The following NLRP2 variants were observed in gnomAD, a reference collection of about 807,000 sequenced individuals.
The protein encoded by NLRP2 is NACHT, LRR and PYD domains-containing protein 2.
In NLRP2, 107 loss-of-function variants were observed where a neutral mutation model predicts 97.2. The ratio of observed to expected loss-of-function variants is 1.10; its 90% CI spans 0.94 to 1.29. The LOEUF (loss-of-function observed/expected upper bound fraction) is 1.29, where lower values mean the gene tolerates loss of function less well. NLRP2 is among the 50% of genes most tolerant of loss of function. The pLI is 0.00. For missense variants in NLRP2, 1,495 were observed against 1,330.3 expected (o/e 1.12, Z -1.93); for synonymous variants, 663 against 551.5 (o/e 1.20, Z -2.83).
At chr19:54,991,731 T>C (rs923078461) in intron 10 of NLRP2, among the ~76,000 whole-genome samples, 4 of 150,550 alleles carry the variant, frequency 2.7e-5, no homozygotes, top group Admixed American at 6.6e-5. Flanking sequence ...TAGCTAGGCG[T>C]GGTGGTATGG....
In NLRP2 at chr19:54,983,501, C is replaced by G. The variant is rs776209090; in HGVS notation, c.1803C>G (p.Asp601Glu). Residue 601 changes from aspartate to glutamate, a missense_variant, in exon 6 of 13, where the codon GAC (aspartate) becomes GAG (glutamate). Asp to Glu is a conservative substitution (Grantham distance 45, BLOSUM62 2). Coordinates refer to ENST00000448584, the MANE Select transcript of NLRP2 (RefSeq NM_017852.5). ...SCKGGHSTVT[D>E]LQELLGCLYE... ...AGGGTGGACATTCAACGGTGACAGA[C>G]CTGCAGGAGCTCCTCGGCTGTCTGT... The G allele has an allele frequency of 6.2e-6, 10 of 1,614,164 alleles. No individual in the cohort carries two copies. The highest frequency in any genetic ancestry group is 1.7e-5 in the Admixed American group (1 of 59,998).
intron 4 of NLRP2, among the ~76,000 whole-genome samples, chr19:54,980,435 C>G (rs2071499570): frequency 6.6e-6 from 1 of 152,058 alleles, no homozygotes; most frequent in African/African-American, 2.4e-5. Context: ...ACCTTATGAT[C>G]CACCCGCCTT....
At position 54,974,561 on chromosome 19, in the gene NLRP2, A is replaced by G; in HGVS notation, c.325+17A>G. On this transcript the variant is annotated intron_variant, in intron 3 of 12. Coordinates refer to ENST00000448584, the MANE Select transcript of NLRP2 (RefSeq NM_017852.5). The stretch of plus-strand genomic sequence containing the variant: ...TATCATTAGGTAAGTTACCTCATTT[A>G]TAACTTTTATTCTTCATGTGAGATC... 6.6e-7 allele frequency: 1 copy of G among 1,518,246 alleles called. No homozygotes were observed. The highest frequency in any genetic ancestry group is 1.1e-5 in the South Asian group (1 of 89,062). 94.0% of individuals were successfully genotyped at this position (1,518,246 alleles called of 1,614,324 possible). A position where few individuals can be genotyped will look rare whatever the true frequency, so the allele number is the denominator to read the frequency against.
At chr19:54,984,963 A>T in intron 6 of NLRP2, 84 bp from the exon 7 acceptor site, 1 of 1,290,624 alleles carries the variant, frequency 7.7e-7, no homozygotes, top group Non-Finnish European at 1.1e-6. Flanking sequence ...CTCATTTGTC[A>T]GGGGTATATG....
At chr19:54,995,337 C>T (rs974744301) in intron 11 of NLRP2, among the ~76,000 whole-genome samples, 3 of 151,116 alleles carry the variant, frequency 2.0e-5, no homozygotes, top group African/African-American at 7.3e-5. Context: ...AATAAACAGG[C>T]ATGTGCCACC....
At position 54,970,248 on chromosome 19, in the gene NLRP2, A is replaced by G. The variant is rs1297089845; in HGVS notation, c.233A>G (p.Lys78Arg). The G allele has an allele frequency of 1.9e-6, 3 of 1,614,080 alleles. No homozygotes were observed. Among genetic ancestry groups the G allele is most frequent in the Non-Finnish European group, 2.5e-6 (3 of 1,180,046 alleles). The stretch of plus-strand genomic sequence containing the variant: ...ATGGCGAGCCTCCAGGTCTTTGAAA[A>G]GATGCACCGAATGGATCTGTCTGAG... ...VEMASLQVFE[K>R]MHRMDLSERA... Residue 78 changes from lysine to arginine, a missense_variant, in exon 2 of 13, where the codon AAG (lysine) becomes AGG (arginine). Lys to Arg is a conservative substitution (Grantham distance 26, BLOSUM62 2). Transcript: ENST00000448584.
chr19:54,966,617 C>T (rs1307778120), intron 1 of NLRP2, 150 bp downstream of exon 1: 1 of 152,194 alleles, frequency 6.6e-6, no homozygotes, highest in Non-Finnish European at 1.5e-5. Context: ...GCGATCTCGG[C>T]TCACTGCAAG....
chr19:55,001,032 A>C lies in NLRP2; in HGVS notation c.*134A>C, dbSNP rs751635181. 7 of 772,280 alleles carry C rather than the reference A, an allele frequency of 9.1e-6. No individual in the cohort carries two copies. The highest frequency in any genetic ancestry group is 1.6e-5 in the Non-Finnish European group (7 of 451,286). 47.8% of individuals were successfully genotyped at this position (772,280 alleles called of 1,614,324 possible). ...CATTGCTGGGCTAGATGTTTTAGCC[A>C]TGATTCTGCCTCTGTTTTATACCTG... is the stretch of plus-strand genomic sequence containing the variant. On this transcript the variant is annotated 3_prime_UTR_variant, in exon 13 of 13. Coordinates refer to ENST00000448584, the MANE Select transcript of NLRP2 (RefSeq NM_017852.5).
At chr19:54,997,002 G>C (rs2072864254) in intron 11 of NLRP2, among the ~76,000 whole-genome samples, 2 of 152,070 alleles carry the variant, frequency 1.3e-5, no homozygotes, top group South Asian at 4.1e-4. Flanking sequence ...CCGCCTCCTG[G>C]GTTCAAGCGA....
chr19:54,982,347 C>T lies in NLRP2; in HGVS notation c.649C>T (p.Leu217Phe), dbSNP rs1224889392. Reference sequence around the variant, plus strand: ...GGTGGTGCTGTATGGTCCTGCAGGCCTTGGGAAAACCACGCTGGCCCAGAA... The same window carrying T: ...GGTGGTGCTGTATGGTCCTGCAGGCTTTGGGAAAACCACGCTGGCCCAGAA... ...YTVVLYGPAG[L>F]GKTTLAQKLM... The change falls in exon 6 of 13, where the codon CTT (leucine) becomes TTT (phenylalanine). Residue 217 changes from leucine (L) to phenylalanine (F), a missense_variant. Leu to Phe is a conservative substitution (Grantham distance 22, BLOSUM62 0). Transcript: ENST00000448584. The T allele has an allele frequency of 3.1e-6, 5 of 1,613,960 alleles. No individual in the cohort carries two copies. Among genetic ancestry groups the T allele is most frequent in the Non-Finnish European group, 4.2e-6 (5 of 1,180,030 alleles).
chr19:54,995,148 T>TA (rs35266089), intron 11 of NLRP2, among the ~76,000 whole-genome samples: 114,577 of 136,624 alleles, frequency 0.84, 48,639 homozygotes, highest in African/African-American at 0.96. Context: ...CCATCTCTAC[T>TA]AAAATATAAA....
In NLRP2 at chr19:54,982,279, C is replaced by T. The variant is rs1240492801; in HGVS notation, c.581C>T (p.Pro194Leu). Residue 194 changes from proline (P) to leucine (L), a missense_variant, in exon 6 of 13, where the codon CCA (proline) becomes CTA (leucine). By Grantham distance (98) the Pro-to-Leu change is moderately conservative. Coordinates refer to ENST00000448584, the MANE Select transcript of NLRP2 (RefSeq NM_017852.5). ...GCTGAGAGATACAAGATGCTGATCC[C>T]ATTCAGCAACCCCAGGGTGCTTCCC... ...VMAERYKMLI[P>L]FSNPRVLPGP... is the part of the protein sequence containing the mutation. 1.9e-6 allele frequency: 3 copies of T among 1,614,064 alleles called. No homozygotes were observed. Among genetic ancestry groups the T allele is most frequent in the East Asian group, 2.2e-5 (1 of 44,872 alleles).
intron 12 of NLRP2, 22 bp downstream of exon 12, chr19:54,997,509 A>C: frequency 6.2e-7 from 1 of 1,613,486 alleles, no homozygotes; most frequent in Non-Finnish European, 8.5e-7. Context: ...TTACTTCCCC[A>C]TCAGGCTTTC....
intron 8 of NLRP2, among the ~76,000 whole-genome samples, chr19:54,986,958 C>T (rs1225426569): frequency 6.6e-6 from 1 of 152,016 alleles, no homozygotes; most frequent in Non-Finnish European, 1.5e-5. Flanking sequence ...GATCTCAGGT[C>T]ACTGCAGCCT....
intron 4 of NLRP2, 108 bp from the exon 5 acceptor site, chr19:54,981,509 G>GCACCCCC: frequency 2.6e-6 from 1 of 386,504 alleles, no homozygotes; most frequent in Non-Finnish European, 5.3e-6. Context: ...CTGATCCCGT[G>GCACCCCC]CCCCCCCTCC....
intron 8 of NLRP2, among the ~76,000 whole-genome samples, chr19:54,987,009 T>TGA (rs1311751314): frequency 6.6e-6 from 1 of 151,960 alleles, no homozygotes; most frequent in East Asian, 1.9e-4. Flanking sequence ...CTCAGCCTCC[T>TGA]GAGTAGCTGG....
intron 4 of NLRP2, 109 bp from the exon 5 acceptor site, chr19:54,981,508 T>TCCCCCCCCCC: frequency 4.6e-6 from 2 of 438,150 alleles, no homozygotes; most frequent in Non-Finnish European, 9.3e-6. Flanking sequence ...TCTGATCCCG[T>TCCCCCCCCCC]GCCCCCCCTC....
chr19:55,000,553 A>G (rs530818152), intron 12 of NLRP2, among the ~76,000 whole-genome samples: 86 of 150,700 alleles, frequency 5.7e-4, no homozygotes, highest in Non-Finnish European at 9.7e-4. Flanking sequence ...GCTGGGAATT[A>G]CAGGCGTGAG....
chr19:54,977,752 G>A lies in NLRP2; in HGVS notation c.326G>A (p.Gly109Glu). Residue 109 changes from glycine to glutamate, a missense_variant and splice_region_variant, in exon 4 of 13, where the codon GGG becomes GAG. Coordinates refer to ENST00000448584, the MANE Select transcript of NLRP2 (RefSeq NM_017852.5). ...CTGTAATGCCGCCCTTTTTCTCCAG[G>A]GATAACACGGAAAGAACGACCACCT... ...SFNKRKPLSLGITRKERPPLD... is the reference protein window; with the variant it reads ...SFNKRKPLSLEITRKERPPLD... 6.2e-7 allele frequency: 1 copy of A among 1,613,694 alleles called. No homozygotes were observed.
Sources: gnomAD v4.1 joint callset for allele counts (sites outside exome capture counted in the v4.1 genomes callset) on GRCh38, gnomAD v4.1.1 for gene constraint, MANE v1.5 for transcripts, NCBI Gene and HGNC (gene_info 2026-07-23, HGNC 2026-07-21) for gene names.